Variants in TWIST1 observed in about 807,000 individuals in gnomAD.
TWIST1 encodes the protein twist-related protein 1.
TWIST1 carries 8 observed loss-of-function variants against 12.9 expected under a neutral mutation model. That is an observed-to-expected ratio of 0.62 (90% confidence interval 0.37 to 1.12). TWIST1 has a LOEUF of 1.12. Among genes scored for constraint, TWIST1 ranks in the 50% most tolerant of loss-of-function variants. TWIST1 has a pLI of 0.02. For missense variants in TWIST1, 268 were observed against 299.7 expected (o/e 0.89, Z 0.78); for synonymous variants, 169 against 138.7 (o/e 1.22, Z -1.54).
Position 19,116,903 on chromosome 7 carries a change from G to C in TWIST1, c.419C>G (p.Ser140Trp). 1 of 1,614,104 alleles carries C rather than the reference G, an allele frequency of 6.2e-7. No homozygotes were observed. The highest frequency in any genetic ancestry group is 8.5e-7 in the Non-Finnish European group (1 of 1,179,984). The change falls in exon 1 of 2, where the codon TCG becomes TGG. Residue 140 changes from serine (S) to tryptophan (W), a missense_variant. Physicochemically the swap from Ser to Trp is radical, Grantham distance 177. Around this residue, in one of 2 missense-constraint regions of TWIST1, gnomAD observed 79 missense variants for 127.6 expected, o/e 0.62. Transcript: ENST00000242261. ...GGTCTGAATCTTGCTCAGCTTGTCC[G>C]AGGGCAGCGTGGGGATGATCTTCCG... ...ALRKIIPTLP[S>W]DKLSKIQTLK...
Position 19,116,998 on chromosome 7 carries a change from C to A in TWIST1, c.324G>T (p.Thr108=), listed in dbSNP as rs201082441. ...CCCGCACGTTGGCCATGACCCGCTGCGTCTGCAGCTCCTCGTAAGACTGCG... is the reference window on the plus strand; with the variant it reads ...CCCGCACGTTGGCCATGACCCGCTGAGTCTGCAGCTCCTCGTAAGACTGCG... ...GSPQSYEELQ[T]QRVMANVRER... The change falls in exon 1 of 2, where the codon ACG becomes ACT. Residue 108 remains threonine (T), a synonymous_variant. Transcript: ENST00000242261. The A allele has an allele frequency of 1.2e-6, 2 of 1,607,916 alleles. No individual in the cohort carries two copies. Among genetic ancestry groups the A allele is most frequent in the Admixed American group, 3.3e-5 (2 of 59,854 alleles).
In TWIST1 at chr7:19,117,418, G is replaced by T. The variant is rs1012863789; in HGVS notation, c.-97C>A. The T allele has an allele frequency of 2.5e-6, 3 of 1,218,080 alleles. No individual in the cohort carries two copies. Among genetic ancestry groups the T allele is most frequent in the Non-Finnish European group, 3.1e-6 (3 of 974,774 alleles). 75.5% of individuals were successfully genotyped at this position (1,218,080 alleles called of 1,614,324 possible). ...CTTCCCCCGCGCGCGGCGCCGGCCC[G>T]GGCGATGCGGCCCGCGGAGGAGAGA... is the stretch of plus-strand genomic sequence containing the variant. On this transcript the variant is annotated 5_prime_UTR_variant, in exon 1 of 2. Transcript: ENST00000242261.
chr7:19,115,113 T>TA (rs1205284717), downstream of TWIST1, among the ~76,000 whole-genome samples: 1 of 152,188 alleles, frequency 6.6e-6, no homozygotes, highest in African/African-American at 2.4e-5. Flanking sequence ...TGACAAAAAG[T>TA]ACATAATAAG....
At position 19,116,923 on chromosome 7, in the gene TWIST1, C is replaced by A; in HGVS notation, c.399G>T (p.Lys133Asn). ...SLNEAFAALR[K>N]IIPTLPSDKL... ...TGTCCGAGGGCAGCGTGGGGATGAT[C>A]TTCCGCAGCGCGGCGAACGCCTCGT... The change falls in exon 1 of 2, where the codon AAG becomes AAT. Residue 133 changes from lysine to asparagine, a missense_variant. Physicochemically the swap from Lys to Asn is moderately conservative, Grantham distance 94. This residue lies in a region of TWIST1 where 79 missense variants were observed against 127.6 expected (regional missense o/e 0.62). Coordinates refer to ENST00000242261, the MANE Select transcript of TWIST1 (RefSeq NM_000474.4). 1 of 1,614,068 alleles carries A rather than the reference C, an allele frequency of 6.2e-7. No homozygotes were observed. The highest frequency in any genetic ancestry group is 8.5e-7 in the Non-Finnish European group (1 of 1,179,970).
At chr7:19,114,998 AT>A (rs1250909429), downstream of TWIST1, among the ~76,000 whole-genome samples, 1 of 152,208 alleles carries the variant, frequency 6.6e-6, no homozygotes, top group Admixed American at 6.5e-5. Context: ...TTTTCTATGC[AT>A]TTCTGGTCAT....
rs534438992 is a variant in TWIST1 at position 19,117,553 on chromosome 7, A to G, written c.-232T>C. 4.4e-6 allele frequency: 5 copies of G among 1,135,826 alleles called. No homozygotes were observed. The South Asian group carries it at 1.4e-4, about 32-fold the overall frequency. 70.4% of individuals were successfully genotyped at this position (1,135,826 alleles called of 1,614,324 possible). ...GGATGGCCCCGAGGTCCAAAAAGAA[A>G]GCGCCCAACGGCTGGACGCACACCC... On this transcript the variant is annotated 5_prime_UTR_variant, in exon 1 of 2. Coordinates refer to ENST00000242261, the MANE Select transcript of TWIST1 (RefSeq NM_000474.4).
Position 19,116,699 on chromosome 7 carries a change from G to T in TWIST1, c.*14C>A. The stretch of plus-strand genomic sequence containing the variant: ...GGTCTCCGGCCCTGCTGAGGGGGTG[G>T]GGGGCTCCGCCTGCTAGTGGGACGC... On this transcript the variant is annotated 3_prime_UTR_variant, in exon 1 of 2. Transcript: ENST00000242261. 1.9e-6 allele frequency: 3 copies of T among 1,592,706 alleles called. No individual in the cohort carries two copies. The highest frequency in any genetic ancestry group is 1.1e-5 in the South Asian group (1 of 87,918).
At chr7:19,114,114 T>C (rs1443781407), downstream of TWIST1, 3 of 152,026 alleles carry the variant, frequency 2.0e-5, no homozygotes, top group South Asian at 6.2e-4. Context: ...CCCCAACAAA[T>C]ACACCAACAC....
chr7:19,116,596 G>A lies in TWIST1; in HGVS notation c.*42+75C>T, dbSNP rs1159902495. On this transcript the variant is annotated intron_variant, in intron 1 of 1. Transcript: ENST00000242261. ...TGGGAGAGGGGAGGAAATCGAGGTG[G>A]ACTGGGAACCGCGGCCTGGCCGGCC... 62 of 1,187,580 alleles carry A rather than the reference G, an allele frequency of 5.2e-5. No individual in the cohort carries two copies. In the East Asian group the frequency reaches 9.2e-4, roughly 18 times the overall value. 73.6% of individuals were successfully genotyped at this position (1,187,580 alleles called of 1,614,324 possible).
chr7:19,117,222 G>T lies in TWIST1; in HGVS notation c.100C>A (p.Arg34Ser). 1 of 1,404,822 alleles carries T rather than the reference G, an allele frequency of 7.1e-7. No homozygotes were observed. Among genetic ancestry groups the T allele is most frequent in the Non-Finnish European group, 9.3e-7 (1 of 1,075,110 alleles). 87.0% of individuals were successfully genotyped at this position (1,404,822 alleles called of 1,614,324 possible). A position where few individuals can be genotyped will look rare whatever the true frequency, so the allele number is the denominator to read the frequency against. ...CTGCTGCGCCGCTTGCGTCCCCCGCGCTTGCCGCTCGGCGGCTGCTGCCGG... is the reference window on the plus strand; with the variant it reads ...CTGCTGCGCCGCTTGCGTCCCCCGCTCTTGCCGCTCGGCGGCTGCTGCCGG... Reference protein sequence around the residue: ...PDRQQPPSGKRGGRKRRSSRR... With the variant: ...PDRQQPPSGKSGGRKRRSSRR... Residue 34 changes from arginine to serine, a missense_variant, in exon 1 of 2, where the codon CGC (arginine) becomes AGC (serine). By Grantham distance (110) the Arg-to-Ser change is moderately radical (BLOSUM62 -1). Around this residue, in one of 2 missense-constraint regions of TWIST1, gnomAD observed 189 missense variants for 172.1 expected, o/e 1.10. Coordinates refer to ENST00000242261, the MANE Select transcript of TWIST1 (RefSeq NM_000474.4).
rs1363931970 is a variant in TWIST1 at position 19,116,804 on chromosome 7, G to A, written c.518C>T (p.Ala173Val). Reference protein sequence around the residue: ...LQSDELDSKMASCSYVAHERL... With the variant: ...LQSDELDSKMVSCSYVAHERL... ...CTCGTGAGCCACATAGCTGCAGCTT[G>A]CCATCTTGGAGTCCAGCTCGTCGCT... Residue 173 changes from alanine (A) to valine (V), a missense_variant, in exon 1 of 2, where the codon GCA becomes GTA. Physicochemically the swap from Ala to Val is moderately conservative, Grantham distance 64 (BLOSUM62 0). Coordinates refer to ENST00000242261, the MANE Select transcript of TWIST1 (RefSeq NM_000474.4). 1.2e-6 allele frequency: 2 copies of A among 1,614,016 alleles called. No homozygotes were observed. The highest frequency in any genetic ancestry group is 1.7e-6 in the Non-Finnish European group (2 of 1,180,010).
chr7:19,113,982 T>C (rs1417442198), downstream of TWIST1: 1 of 152,072 alleles, frequency 6.6e-6, no homozygotes, highest in Non-Finnish European at 1.5e-5. Flanking sequence ...ATGAATAATT[T>C]AGAAAATGGA....
rs1264131515 is a variant in TWIST1, at chr7:19,116,802, T to C, written c.520A>G (p.Ser174Gly). The change falls in exon 1 of 2, where the codon AGC becomes GGC. Residue 174 changes from serine (S) to glycine (G), a missense_variant. By Grantham distance (56) the Ser-to-Gly change is moderately conservative. Coordinates refer to ENST00000242261, the MANE Select transcript of TWIST1 (RefSeq NM_000474.4). ...QSDELDSKMA[S>G]CSYVAHERLS... Reference sequence around the variant, plus strand: ...CGCTCGTGAGCCACATAGCTGCAGCTTGCCATCTTGGAGTCCAGCTCGTCG... The same window carrying C: ...CGCTCGTGAGCCACATAGCTGCAGCCTGCCATCTTGGAGTCCAGCTCGTCG... 6.2e-7 allele frequency: 1 copy of C among 1,614,084 alleles called. No individual in the cohort carries two copies. Among genetic ancestry groups the C allele is most frequent in the African/African-American group, 1.3e-5 (1 of 75,040 alleles).
At position 19,115,537 on chromosome 7, in the gene TWIST1, A is replaced by G. The variant is rs973329246; in HGVS notation, c.*637T>C. ...AGATATTTACAAAACAATCATAAAA[A>G]TATGAATGCATTTAGACACCGGATC... On this transcript the variant is annotated 3_prime_UTR_variant, in exon 2 of 2. Transcript: ENST00000242261. The G allele has an allele frequency of 1.3e-5, 2 of 152,644 alleles. No individual in the cohort carries two copies. The highest frequency in any genetic ancestry group is 6.5e-5 in the Admixed American group (1 of 15,290). 9.5% of individuals were successfully genotyped at this position (152,644 alleles called of 1,614,324 possible). A position where few individuals can be genotyped will look rare whatever the true frequency, so the allele number is the denominator to read the frequency against.
downstream of TWIST1, among the ~76,000 whole-genome samples, chr7:19,115,014 A>G (rs1441248027): frequency 1.3e-5 from 2 of 152,170 alleles, no homozygotes; most frequent in Non-Finnish European, 2.9e-5. Context: ...GGTCATTTCT[A>G]TATGTGTATA....
chr7:19,114,261 T>C (rs1317910305), downstream of TWIST1: 2 of 152,242 alleles, frequency 1.3e-5, no homozygotes, highest in African/African-American at 2.4e-5. Context: ...GTCTGAAATA[T>C]TAACAATAAA....
At chr7:19,113,331 A>G (rs1282833430), downstream of TWIST1, 1 of 152,250 alleles carries the variant, frequency 6.6e-6, no homozygotes, top group Admixed American at 6.5e-5. Flanking sequence ...TCTGAAGGAA[A>G]AAGATCCCAA....
At chr7:19,113,933 C>T (rs1274592221), downstream of TWIST1, 1 of 152,082 alleles carries the variant, frequency 6.6e-6, no homozygotes, top group Non-Finnish European at 1.5e-5. Flanking sequence ...TCTGAAATAT[C>T]AAATAGTCAG....
In TWIST1 at chr7:19,115,940, C is replaced by T. The variant is rs1266205668; in HGVS notation, c.*234G>A. On this transcript the variant is annotated 3_prime_UTR_variant, in exon 2 of 2. Coordinates refer to ENST00000242261, the MANE Select transcript of TWIST1 (RefSeq NM_000474.4). ...GAGGTGTGAGGATGGTGCCGCTGCC[C>T]GTCTGGGAATCACTGTCCACGGGCC... 6.6e-6 allele frequency: 1 copy of T among 152,136 alleles called. No individual in the cohort carries two copies. The highest frequency in any genetic ancestry group is 1.5e-5 in the Non-Finnish European group (1 of 67,992). 9.4% of individuals were successfully genotyped at this position (152,136 alleles called of 1,614,324 possible). A position where few individuals can be genotyped will look rare whatever the true frequency, so the allele number is the denominator to read the frequency against.
Sources: allele counts gnomAD v4.1 joint callset (sites outside exome capture counted in the v4.1 genomes callset), GRCh38; gene constraint gnomAD v4.1.1; regional missense constraint gnomAD v4.1.1; transcripts MANE v1.5; gene names NCBI Gene and HGNC (gene_info 2026-07-23, HGNC 2026-07-21).